Variants in OR56A3 observed in about 807,000 individuals in gnomAD.
OR56A3 encodes olfactory receptor 56A3.
In OR56A3, 23 loss-of-function variants were observed where a neutral mutation model predicts 17.5. The observed-to-expected ratio is 1.32, with a 90% CI of 0.95 to 1.87. The LOEUF is 1.87. Among genes scored for constraint, OR56A3 ranks in the 40% most tolerant of loss-of-function variants. The probability of loss-of-function intolerance (pLI) is 0.00; values close to 1 mark genes in which losing one functional copy is unlikely to be tolerated. For synonymous variants in OR56A3, 175 were observed against 150.6 expected (o/e 1.16, Z -1.19); for missense variants, 366 against 380.1 (o/e 0.96, Z 0.31).
chr11:5,997,931 G>T, the OR56A3 span, among the ~76,000 whole-genome samples: 1 of 152,094 alleles, frequency 6.6e-6, no homozygotes. Flanking sequence ...AATGATAAGA[G>T]CATGAAAATC....
At chr11:5,951,634 GGCAGGCCCAGCTGAT>G (rs1432868882), downstream of OR56A3, among the ~76,000 whole-genome samples, 6 of 152,050 alleles carry the variant, frequency 3.9e-5, no homozygotes, top group East Asian at 1.2e-3. Context: ...TATTTGAGAG[GGCAGGCCCAGCTGAT>G]GCTAGTCACT....
At chr11:5,966,604 G>T in the OR56A3 span, among the ~76,000 whole-genome samples, 1 of 152,020 alleles carries the variant, frequency 6.6e-6, no homozygotes, top group African/African-American at 2.4e-5. Flanking sequence ...GCATGATCAG[G>T]ATAAAAATTG....
At chr11:5,990,592 G>A in the OR56A3 span, among the ~76,000 whole-genome samples, 1 of 152,108 alleles carries the variant, frequency 6.6e-6, no homozygotes, top group Non-Finnish European at 1.5e-5. Flanking sequence ...CTTCTTAACA[G>A]TGGCCTGATC....
downstream of OR56A3, among the ~76,000 whole-genome samples, chr11:5,955,692 G>A (rs1324453427): frequency 6.6e-6 from 1 of 152,038 alleles, no homozygotes; most frequent in Non-Finnish European, 1.5e-5. Flanking sequence ...TGCACCAGTG[G>A]CCAGGCAGCT....
At chr11:5,969,223 T>G in the OR56A3 span, among the ~76,000 whole-genome samples, 1 of 152,372 alleles carries the variant, frequency 6.6e-6, no homozygotes, top group East Asian at 1.9e-4. Flanking sequence ...TTCATTAACA[T>G]TTATAACCAC....
intron 2 of OR56A3, among the ~76,000 whole-genome samples, chr11:5,946,347 A>T (rs1294113623): frequency 6.6e-6 from 1 of 152,214 alleles, no homozygotes; most frequent in Non-Finnish European, 1.5e-5. Context: ...AAATAAGGAC[A>T]GTTTCTTATT....
At chr11:6,012,193 C>G in the OR56A3 span, among the ~76,000 whole-genome samples, 2 of 152,206 alleles carry the variant, frequency 1.3e-5, no homozygotes, top group South Asian at 2.1e-4. Context: ...AGTATACAGA[C>G]AAGCGGAGGT....
chr11:5,997,840 A>G, the OR56A3 span, among the ~76,000 whole-genome samples: 7 of 152,216 alleles, frequency 4.6e-5, no homozygotes, highest in Non-Finnish European at 4.4e-5. Flanking sequence ...AAAGCCTAAC[A>G]TATTACAGAC....
At chr11:5,957,653 C>G in the OR56A3 span, among the ~76,000 whole-genome samples, 3 of 152,232 alleles carry the variant, frequency 2.0e-5, no homozygotes, top group African/African-American at 4.8e-5. Flanking sequence ...AAAACTTACT[C>G]AGGCTACCAC....
In OR56A3 at chr11:5,948,418, T is replaced by C. The variant is rs543817303; in HGVS notation, c.*124T>C. 2.0e-5 allele frequency: 13 copies of C among 639,492 alleles called. No individual in the cohort carries two copies. In the East Asian group the frequency reaches 3.3e-4, roughly 16 times the overall value. The allele number at this position is 639,492 out of a possible 1,614,324, so 39.6% of individuals were successfully genotyped here. A position where few individuals can be genotyped will look rare whatever the true frequency, so the allele number is the denominator to read the frequency against. The stretch of plus-strand genomic sequence containing the variant: ...AACTGGGTACACTAGATATTGTGTG[T>C]GCTTTTCAAAAACATCGGTTTTAAT... On this transcript the variant is annotated 3_prime_UTR_variant, in exon 3 of 3. Coordinates refer to ENST00000641160, the MANE Select transcript of OR56A3 (RefSeq NM_001003443.3).
the OR56A3 span, among the ~76,000 whole-genome samples, chr11:5,973,962 TACTAAGTTTGAGG>T: frequency 1.3e-5 from 2 of 152,222 alleles, no homozygotes; most frequent in Non-Finnish European, 2.9e-5. Flanking sequence ...CTCCAGTGCT[TACTAAGTTTGAGG>T]AATGTTGCTG....
the OR56A3 span, chr11:5,967,992 C>A: frequency 6.3e-7 from 1 of 1,589,170 alleles, no homozygotes; most frequent in South Asian, 1.1e-5. Flanking sequence ...GTATCTGAGT[C>A]GAGAAGAAAG....
the OR56A3 span, among the ~76,000 whole-genome samples, chr11:5,966,235 A>G: frequency 6.8e-6 from 1 of 147,590 alleles, no homozygotes; most frequent in South Asian, 2.2e-4. Flanking sequence ...AAAACCGGGC[A>G]TGGTGGTGCA....
At chr11:6,016,568 G>T in the OR56A3 span, among the ~76,000 whole-genome samples, 1 of 152,014 alleles carries the variant, frequency 6.6e-6, no homozygotes, top group Non-Finnish European at 1.5e-5. Context: ...TACACCAAAT[G>T]TGCAGATACC....
the OR56A3 span, among the ~76,000 whole-genome samples, chr11:5,976,562 T>C: frequency 1.3e-5 from 2 of 152,190 alleles, no homozygotes; most frequent in Non-Finnish European, 2.9e-5. Flanking sequence ...ACTTGTTCAG[T>C]CATCATTTTG....
At chr11:5,989,286 G>T in the OR56A3 span, among the ~76,000 whole-genome samples, 2 of 152,148 alleles carry the variant, frequency 1.3e-5, no homozygotes, top group Admixed American at 6.6e-5. Context: ...TTTAGCTAAG[G>T]AGTCAGAGAA....
chr11:6,010,340 G>T, the OR56A3 span, among the ~76,000 whole-genome samples: 1 of 152,178 alleles, frequency 6.6e-6, no homozygotes, highest in East Asian at 1.9e-4. Context: ...TGAATGTTTG[G>T]GTCCTCTTCA....
chr11:6,002,503 T>C, the OR56A3 span: 1 of 1,614,148 alleles, frequency 6.2e-7, no homozygotes, highest in Admixed American at 1.7e-5. Context: ...GCAGAAAGCA[T>C]GGGAACAGGA....
chr11:5,961,409 A>C, the OR56A3 span, among the ~76,000 whole-genome samples: 1 of 152,232 alleles, frequency 6.6e-6, no homozygotes, highest in Non-Finnish European at 1.5e-5. Context: ...ACTAGGAAAA[A>C]TTCTTCTGCC....
Sources: gnomAD v4.1 joint callset for allele counts (sites outside exome capture counted in the v4.1 genomes callset) on GRCh38, gnomAD v4.1.1 for gene constraint, MANE v1.5 for transcripts, NCBI Gene and HGNC (gene_info 2026-07-23, HGNC 2026-07-21) for gene names.